ANKS1B: variants seen among roughly 807,000 people sequenced by gnomAD.
ANKS1B encodes ankyrin repeat and sterile alpha motif domain-containing protein 1B.
A neutral mutation model predicts 148.3 loss-of-function variants in ANKS1B; 36 were observed. The ratio of observed to expected loss-of-function variants is 0.24; its 90% CI spans 0.19 to 0.32. The LOEUF (loss-of-function observed/expected upper bound fraction) is 0.32, where lower values mean the gene tolerates loss of function less well. Among genes scored for constraint, ANKS1B ranks in the 10% least tolerant of loss-of-function variants. The pLI is 1.00. For missense variants in ANKS1B, 1,157 were observed against 1,542.6 expected (o/e 0.75, Z 4.19); for synonymous variants, 542 against 560.8 (o/e 0.97, Z 0.47).
rs747974490 is a variant in ANKS1B, at chr12:99,244,329, A to G, written c.2419+13T>C. 1.9e-6 allele frequency: 3 copies of G among 1,583,444 alleles called. No homozygotes were observed. The highest frequency in any genetic ancestry group is 2.6e-6 in the Non-Finnish European group (3 of 1,157,858). On this transcript the variant is annotated intron_variant, in intron 14 of 26. Coordinates refer to ENST00000683438, the MANE Select transcript of ANKS1B (RefSeq NM_001352186.2). Reference sequence around the variant, plus strand: ...ACATTTATTCATTATAATGTAGAGGAAGGTTGCCTTACTTGTGGTCTCACC... The same window carrying G: ...ACATTTATTCATTATAATGTAGAGGGAGGTTGCCTTACTTGTGGTCTCACC...
intron 8 of ANKS1B, among the ~76,000 whole-genome samples, chr12:99,747,368 C>G (rs1221592556): frequency 6.6e-6 from 1 of 152,026 alleles, no homozygotes; most frequent in African/African-American, 2.4e-5. Flanking sequence ...CTATAGCCAC[C>G]AAGTCTTGTA....
intron 12 of ANKS1B, among the ~76,000 whole-genome samples, chr12:99,291,349 T>A (rs2079945126): frequency 1.3e-5 from 2 of 152,158 alleles, no homozygotes; most frequent in African/African-American, 4.8e-5. Context: ...ATGCAATCCC[T>A]ATCAAATATC....
chr12:99,175,049 T>C (rs1020156348), intron 14 of ANKS1B, among the ~76,000 whole-genome samples: 3 of 152,192 alleles, frequency 2.0e-5, no homozygotes, highest in Non-Finnish European at 4.4e-5. Context: ...CTCAGTAGCA[T>C]TTACATAGCT....
intron 10 of ANKS1B, among the ~76,000 whole-genome samples, chr12:99,490,198 G>T (rs1475410254): frequency 2.6e-5 from 4 of 152,218 alleles, no homozygotes; most frequent in African/African-American, 7.2e-5. Context: ...AAATGAATTG[G>T]TGGATAGATG....
At chr12:99,777,708 C>T (rs1162355128) in intron 6 of ANKS1B, among the ~76,000 whole-genome samples, 1 of 151,988 alleles carries the variant, frequency 6.6e-6, no homozygotes. Flanking sequence ...CCTCAGCCTC[C>T]CAAGTAGCTG....
At chr12:99,505,737 C>T (rs2096705067) in intron 9 of ANKS1B, among the ~76,000 whole-genome samples, 1 of 151,222 alleles carries the variant, frequency 6.6e-6, no homozygotes, top group South Asian at 2.1e-4. Flanking sequence ...CTGGAGAAGA[C>T]TGTGAAATTC....
chr12:99,930,515 G>A (rs1049080961), intron 1 of ANKS1B, among the ~76,000 whole-genome samples: 1 of 152,014 alleles, frequency 6.6e-6, no homozygotes, highest in Admixed American at 6.6e-5. Context: ...GATTGCCCTG[G>A]CCAGAACTTC....
intron 15 of ANKS1B, among the ~76,000 whole-genome samples, chr12:99,121,638 C>T (rs2062917524): frequency 2.0e-5 from 3 of 152,060 alleles, no homozygotes; most frequent in South Asian, 4.1e-4. Context: ...GGATGCGCTG[C>T]GATGTATCCT....
At chr12:99,863,792 C>A (rs1280088348) in intron 1 of ANKS1B, among the ~76,000 whole-genome samples, 1 of 152,048 alleles carries the variant, frequency 6.6e-6, no homozygotes, top group Non-Finnish European at 1.5e-5. Context: ...ATCCCCTTGG[C>A]CAAGCGTGGT....
chr12:99,698,316 C>T (rs2054240543), intron 8 of ANKS1B, among the ~76,000 whole-genome samples: 1 of 152,076 alleles, frequency 6.6e-6, no homozygotes, highest in African/African-American at 2.4e-5. Flanking sequence ...ACCAAAATAA[C>T]CGCAAATAAA....
intron 22 of ANKS1B, among the ~76,000 whole-genome samples, chr12:98,788,779 A>C (rs891272008): frequency 3.3e-5 from 5 of 152,210 alleles, no homozygotes; most frequent in African/African-American, 1.2e-4. Flanking sequence ...TACTGTCAGA[A>C]CTGTTCTCTG....
At chr12:99,875,633 C>T (rs1057435793) in intron 1 of ANKS1B, among the ~76,000 whole-genome samples, 2 of 152,154 alleles carry the variant, frequency 1.3e-5, no homozygotes, top group African/African-American at 2.4e-5. Flanking sequence ...TACATAATAG[C>T]TGACACAGAC....
At chr12:98,767,578 T>C (rs1446620482) in intron 25 of ANKS1B, among the ~76,000 whole-genome samples, 4 of 152,246 alleles carry the variant, frequency 2.6e-5, no homozygotes, top group Admixed American at 6.5e-5. Flanking sequence ...CATATTCTTT[T>C]CAGAGGAGTG....
rs557858332 is a variant in ANKS1B, at chr12:99,404,093, G to A, written c.1576-4282C>T. On this transcript the variant is annotated intron_variant, in intron 11 of 26. Coordinates refer to ENST00000683438, the MANE Select transcript of ANKS1B (RefSeq NM_001352186.2). Reference sequence around the variant, plus strand: ...ACACAAGAACAGAAAACCAAATATTGCATGTTCTCACTTATATGTGGGAGC... The same window carrying A: ...ACACAAGAACAGAAAACCAAATATTACATGTTCTCACTTATATGTGGGAGC... Among the ~76,000 whole-genome samples the A allele has an allele frequency of 8.5e-4, 125 of 146,256 alleles. 15 individuals carry two copies. Among genetic ancestry groups the A allele is most frequent in the African/African-American group, 3.2e-3 (123 of 38,598 alleles).
At chr12:99,904,716 A>G (rs527602630) in intron 1 of ANKS1B, among the ~76,000 whole-genome samples, 6 of 152,218 alleles carry the variant, frequency 3.9e-5, no homozygotes, top group African/African-American at 1.2e-4. Flanking sequence ...ACTACAAGTG[A>G]TAACTCTGAT....
chr12:99,697,318 A>G (rs921226618), intron 8 of ANKS1B, among the ~76,000 whole-genome samples: 1 of 152,182 alleles, frequency 6.6e-6, no homozygotes, highest in African/African-American at 2.4e-5. Context: ...AATTACCCAA[A>G]CTTGGAAGCA....
intron 9 of ANKS1B, among the ~76,000 whole-genome samples, chr12:99,606,207 G>T (rs2097850272): frequency 6.6e-6 from 1 of 151,558 alleles, no homozygotes; most frequent in South Asian, 2.1e-4. Context: ...CTATTGAGTT[G>T]TCTGGTTTCC....
chr12:99,894,637 A>G (rs1426567210), intron 1 of ANKS1B, among the ~76,000 whole-genome samples: 6 of 140,654 alleles, frequency 4.3e-5, no homozygotes, highest in African/African-American at 1.5e-4. Flanking sequence ...CTATACAACC[A>G]TTTTGTTTCA....
intron 17 of ANKS1B, among the ~76,000 whole-genome samples, chr12:98,890,878 T>A (rs2152671226): frequency 6.6e-6 from 1 of 152,358 alleles, no homozygotes; most frequent in East Asian, 1.9e-4. Flanking sequence ...CAAGCAGCCT[T>A]GGAGGCACCT....
Sources: allele counts gnomAD v4.1 joint callset (sites outside exome capture counted in the v4.1 genomes callset), GRCh38; gene constraint gnomAD v4.1.1; transcripts MANE v1.5; gene names NCBI Gene and HGNC (gene_info 2026-07-23, HGNC 2026-07-21).